THBS4: variants seen among roughly 807,000 people sequenced by gnomAD.
THBS4 encodes thrombospondin-4.
Under a neutral mutation model 115.7 loss-of-function variants are expected in THBS4, and 90 were observed. The ratio of observed to expected loss-of-function variants is 0.78; its 90% CI spans 0.66 to 0.93. The LOEUF is 0.93. Ranked by LOEUF, THBS4 falls within the 40% of genes least tolerant of loss-of-function variation. The pLI is 0.00. For synonymous variants in THBS4, 460 were observed against 479.3 expected (o/e 0.96, Z 0.53); for missense variants, 1,087 against 1,232.7 (o/e 0.88, Z 1.77).
chr5:79,997,213 T>C (rs547874246), intron 1 of THBS4, among the ~76,000 whole-genome samples: 1 of 151,982 alleles, frequency 6.6e-6, no homozygotes, highest in Non-Finnish European at 1.5e-5. Context: ...GTAAAGTTGA[T>C]CTCAATACAC....
chr5:80,029,900 G>A (rs1345541850), intron 2 of THBS4, among the ~76,000 whole-genome samples: 2 of 152,054 alleles, frequency 1.3e-5, no homozygotes, highest in East Asian at 1.9e-4. Context: ...AACCCGGGAG[G>A]CGGAGGTTGC....
rs1561315891 is a variant in THBS4, at chr5:80,059,748, C to T, written c.830C>T (p.Pro277Leu). Residue 277 changes from proline (P) to leucine (L), a missense_variant, in exon 7 of 22, where the codon CCG becomes CTG. Around this residue, in one of 3 missense-constraint regions of THBS4, gnomAD observed 979 missense variants for 1,103.7 expected, o/e 0.89. Coordinates refer to ENST00000350881, the MANE Select transcript of THBS4 (RefSeq NM_003248.6). ...CCGACCCCAAGCACGGTGGTGCCCC[C>T]GGCTCCCCCTGCACCGCCAACACGC... ...QSPTPSTVVP[P>L]APPAPPTRPP... 14 of 1,614,186 alleles carry T rather than the reference C, an allele frequency of 8.7e-6. No individual in the cohort carries two copies. The highest frequency in any genetic ancestry group is 1.1e-5 in the Non-Finnish European group (13 of 1,180,034).
At chr5:80,033,190 A>T (rs146403627), upstream of THBS4, 193 of 456,970 alleles carry the variant, frequency 4.2e-4, no homozygotes, top group African/African-American at 3.8e-3. Flanking sequence ...CTCATCATTC[A>T]GCAGCATGTT....
At chr5:80,011,624 C>G (rs917990197) in intron 2 of THBS4, among the ~76,000 whole-genome samples, 1 of 152,118 alleles carries the variant, frequency 6.6e-6, no homozygotes, top group African/African-American at 2.4e-5. Flanking sequence ...AACTGAGAAA[C>G]TGCTTATCCA....
At chr5:80,065,552 C>A in intron 9 of THBS4, 75 bp downstream of exon 9, 2 of 1,361,558 alleles carry the variant, frequency 1.5e-6, no homozygotes, top group Non-Finnish European at 2.1e-6. Context: ...TAGATCATAG[C>A]TTCCAAACAC....
intron 2 of THBS4, among the ~76,000 whole-genome samples, chr5:80,012,013 G>A (rs1832137118): frequency 6.6e-6 from 1 of 151,856 alleles, no homozygotes; most frequent in African/African-American, 2.4e-5. Flanking sequence ...AAAAGAAGGA[G>A]ACCAAAGTAT....
At chr5:80,039,333 A>G (rs1242745237) in intron 1 of THBS4, among the ~76,000 whole-genome samples, 1 of 152,250 alleles carries the variant, frequency 6.6e-6, no homozygotes, top group Non-Finnish European at 1.5e-5. Context: ...TAGCTTTCAT[A>G]AATATTACAA....
intron 2 of THBS4, chr5:80,019,579 A>T (rs1367513330): frequency 6.6e-6 from 1 of 152,472 alleles, no homozygotes; most frequent in Admixed American, 6.5e-5. Flanking sequence ...ACTGGCTTTC[A>T]AACAGACAAA....
upstream of THBS4, among the ~76,000 whole-genome samples, chr5:80,034,212 T>C (rs1000215503): frequency 3.3e-5 from 5 of 152,206 alleles, no homozygotes; most frequent in African/African-American, 7.2e-5. Context: ...GAACCCTGGA[T>C]AGACCTGTAT....
In THBS4 at chr5:80,070,192, G is replaced by A. The variant is rs574314868; in HGVS notation, c.1348-114G>A. ...TCTAAGCCCCACCCAACAAGGCTGA[G>A]TGACTCTGGGCCCTCCCCCTGGGAT... On this transcript the variant is annotated intron_variant, in intron 10 of 21. Coordinates refer to ENST00000350881, the MANE Select transcript of THBS4 (RefSeq NM_003248.6). 36 of 785,082 alleles carry A rather than the reference G, an allele frequency of 4.6e-5. No homozygotes were observed. In the African/African-American group the frequency reaches 6.1e-4, roughly 13 times the overall value. The allele number at this position is 785,082 out of a possible 1,614,324, so 48.6% of individuals were successfully genotyped here.
At chr5:80,032,266 A>G (rs1832600157), upstream of THBS4, among the ~76,000 whole-genome samples, 1 of 152,228 alleles carries the variant, frequency 6.6e-6, no homozygotes, top group Non-Finnish European at 1.5e-5. Flanking sequence ...TGGCTGCATA[A>G]AAATGCAAGC....
intron 2 of THBS4, among the ~76,000 whole-genome samples, chr5:80,026,525 G>A (rs1410348535): frequency 6.6e-6 from 1 of 152,212 alleles, no homozygotes; most frequent in Non-Finnish European, 1.5e-5. Flanking sequence ...AAATATCTGA[G>A]CCCTTCGCAG....
At chr5:79,997,529 GAAGA>G (rs1317653976) in intron 1 of THBS4, among the ~76,000 whole-genome samples, 1 of 147,816 alleles carries the variant, frequency 6.8e-6, no homozygotes, top group Non-Finnish European at 1.5e-5. Context: ...AGAGGTGAAA[GAAGA>G]AATAGACAAA....
At chr5:80,013,914 G>A (rs201232808) in intron 2 of THBS4, among the ~76,000 whole-genome samples, 1 of 152,164 alleles carries the variant, frequency 6.6e-6, no homozygotes. Flanking sequence ...GTCTTTGAAG[G>A]AAGTTTACCA....
intron 8 of THBS4, among the ~76,000 whole-genome samples, chr5:80,063,655 T>C (rs942893250): frequency 2.6e-5 from 4 of 152,162 alleles, no homozygotes; most frequent in East Asian, 3.9e-4. Context: ...GCTAGACATA[T>C]AGGAATGATA....
intron 2 of THBS4, among the ~76,000 whole-genome samples, chr5:80,011,664 C>T (rs909188405): frequency 6.6e-6 from 1 of 152,080 alleles, no homozygotes; most frequent in Admixed American, 6.5e-5. Flanking sequence ...GAGGACTACA[C>T]CAAACTTAGG....
At chr5:80,061,170 A>C (rs1561316923) in intron 7 of THBS4, among the ~76,000 whole-genome samples, 1 of 152,214 alleles carries the variant, frequency 6.6e-6, no homozygotes, top group Non-Finnish European at 1.5e-5. Context: ...AAAAAAAACA[A>C]AAAACAATCT....
Position 80,048,699 on chromosome 5 carries a change from A to T in THBS4, c.293-7086A>T, listed in dbSNP as rs1833156941. Among the ~76,000 whole-genome samples, 2 of 151,924 alleles carry T rather than the reference A, an allele frequency of 1.3e-5. 1 individual carries two copies. The highest frequency in any genetic ancestry group is 4.1e-4 in the South Asian group (2 of 4,822). Reference sequence around the variant, plus strand: ...ATACTTTACATTTATTCAAATTGCCATAAGAAAACTTTGAAACAGACTGCA... The same window carrying T: ...ATACTTTACATTTATTCAAATTGCCTTAAGAAAACTTTGAAACAGACTGCA... On this transcript the variant is annotated intron_variant, in intron 2 of 21. Transcript: ENST00000350881.
chr5:80,082,426 C>G lies in THBS4; in HGVS notation c.2705C>G (p.Ser902Cys). 6.2e-7 allele frequency: 1 copy of G among 1,614,152 alleles called. No homozygotes were observed. Among genetic ancestry groups the G allele is most frequent in the Non-Finnish European group, 8.5e-7 (1 of 1,179,988 alleles). Residue 902 changes from serine to cysteine, a missense_variant, in exon 21 of 22, where the codon TCT becomes TGT. Physicochemically the swap from Ser to Cys is moderately radical, Grantham distance 112. Transcript: ENST00000350881. ...GYIRVRFYEG[S>C]ELVADSGVTI... ...CGCAGGGTACGATTTTATGAAGGCT[C>G]TGAGTTGGTGGCTGACTCTGGCGTC...
Sources: gnomAD v4.1 joint callset for allele counts (sites outside exome capture counted in the v4.1 genomes callset) on GRCh38, gnomAD v4.1.1 for gene constraint, gnomAD v4.1.1 regional missense constraint, MANE v1.5 for transcripts, NCBI Gene and HGNC (gene_info 2026-07-23, HGNC 2026-07-21) for gene names.